FN3K: variants seen among roughly 807,000 people sequenced by gnomAD.
FN3K encodes the protein fructosamine-3-kinase.
FN3K carries 24 observed loss-of-function variants against 24.8 expected under a neutral mutation model. That is an observed-to-expected ratio of 0.97 (90% CI 0.70 to 1.36). FN3K has a LOEUF of 1.36. Ranked by LOEUF, FN3K falls within the 40% of genes most tolerant of loss-of-function variation. The probability of loss-of-function intolerance (pLI) is 0.00; values close to 1 mark genes in which losing one functional copy is unlikely to be tolerated. For missense variants in FN3K, 449 were observed against 416.7 expected, an observed-to-expected ratio of 1.08 and a Z score of -0.67; for synonymous variants, 192 against 175.2, an observed-to-expected ratio of 1.10 and a Z score of -0.76.
At position 82,740,753 on chromosome 17, in the gene FN3K, C is replaced by T. The variant is rs1423859082; in HGVS notation, c.294-10C>T. On this transcript the variant is annotated splice_polypyrimidine_tract_variant and intron_variant, in intron 2 of 5. Coordinates refer to ENST00000300784, the MANE Select transcript of FN3K (RefSeq NM_022158.4). ...GTTATTTTAATTAGCTGCATTTCTT[C>T]TTTCCTCAGTCAAGCATCAAAACTT... 1.2e-6 allele frequency: 2 copies of T among 1,601,434 alleles called. No individual in the cohort carries two copies. Among genetic ancestry groups the T allele is most frequent in the Admixed American group, 1.7e-5 (1 of 59,844 alleles).
chr17:82,747,822 C>T (rs886747454), intron 4 of FN3K, among the ~76,000 whole-genome samples: 2 of 152,204 alleles, frequency 1.3e-5, no homozygotes, highest in Non-Finnish European at 2.9e-5. Flanking sequence ...GGCCACTAAT[C>T]CTATTGGATT....
intron 4 of FN3K, among the ~76,000 whole-genome samples, chr17:82,748,638 T>C (rs1046396312): frequency 3.9e-5 from 6 of 152,212 alleles, no homozygotes; most frequent in Non-Finnish European, 8.8e-5. Context: ...CTTAGTCATA[T>C]AGTTTTGAGT....
At chr17:82,739,758 A>G (rs2046930558) in intron 2 of FN3K, among the ~76,000 whole-genome samples, 1 of 151,890 alleles carries the variant, frequency 6.6e-6, no homozygotes, top group Non-Finnish European at 1.5e-5. Flanking sequence ...CGCCCGGCCT[A>G]ATTTTTGTAT....
chr17:82,740,420 CAAAAAAAAA>C (rs71369031), intron 2 of FN3K, among the ~76,000 whole-genome samples: 4 of 73,120 alleles, frequency 5.5e-5, no homozygotes, highest in African/African-American at 1.1e-4. Context: ...CCCATCTCTA[CAAAAAAAAA>C]AAAAAAAAAA....
At chr17:82,742,910 T>C in intron 4 of FN3K, 1 of 324,780 alleles carries the variant, frequency 3.1e-6, no homozygotes, top group East Asian at 9.1e-5. Context: ...TAGAGGGTGA[T>C]TCTCCCAGCT....
At position 82,741,379 on chromosome 17, in the gene FN3K, G is replaced by A. The variant is rs144350720; in HGVS notation, c.454G>A (p.Gly152Ser). ...CGGCTTCCACACGGTGACGTGCTGCGGCTTCATCCCGCAGGTGAGTGCCTG... is the reference window on the plus strand; with the variant it reads ...CGGCTTCCACACGGTGACGTGCTGCAGCTTCATCCCGCAGGTGAGTGCCTG... ...KFGFHTVTCC[G>S]FIPQVNEWQD... The change falls in exon 4 of 6, where the codon GGC becomes AGC. Residue 152 changes from glycine (G) to serine (S), a missense_variant. Transcript: ENST00000300784. 253 of 1,613,498 alleles carry A rather than the reference G, an allele frequency of 1.6e-4. 1 individual carries two copies. Among genetic ancestry groups the A allele is most frequent in the Non-Finnish European group, 1.9e-4 (230 of 1,179,730 alleles).
rs1357997897 is a variant in FN3K at position 82,735,615 on chromosome 17, A to G, written c.-22A>G. The G allele has an allele frequency of 6.0e-6, 9 of 1,497,132 alleles. No individual in the cohort carries two copies. Among genetic ancestry groups the G allele is most frequent in the African/African-American group, 5.9e-5 (4 of 68,292 alleles). 92.7% of individuals were successfully genotyped at this position (1,497,132 alleles called of 1,614,324 possible). ...AGCCGACAGGGGCTTCCGAGCGAGC[A>G]GAGTCCCGCGCCCCGCACTCCATGG... is the stretch of plus-strand genomic sequence containing the variant. On this transcript the variant is annotated 5_prime_UTR_variant, in exon 1 of 6. Coordinates refer to ENST00000300784, the MANE Select transcript of FN3K (RefSeq NM_022158.4).
Position 82,735,797 on chromosome 17 carries a change from C to G in FN3K, c.141+20C>G, listed in dbSNP as rs1568066297. 2.0e-6 allele frequency: 3 copies of G among 1,512,896 alleles called. No homozygotes were observed. The highest frequency in any genetic ancestry group is 1.4e-5 in the African/African-American group (1 of 72,176). The allele number at this position is 1,512,896 out of a possible 1,614,324, so 93.7% of individuals were successfully genotyped here. ...ACGCAGGTGCTGGCCCGTGCGCAGG[C>G]GGGGGCTCTGCGGGTCTCTGCGGGG... On this transcript the variant is annotated intron_variant, in intron 1 of 5. Transcript: ENST00000300784.
intron 4 of FN3K, among the ~76,000 whole-genome samples, chr17:82,747,450 G>C (rs553269870): frequency 6.6e-6 from 1 of 152,042 alleles, no homozygotes; most frequent in Non-Finnish European, 1.5e-5. Flanking sequence ...CACCAGGCTG[G>C]AGTGCAATGG....
Position 82,750,835 on chromosome 17 carries a change from C to G in FN3K, c.*80C>G. ...TGTCCCCCCGTCCCCCGTCCCTGTG[C>G]CCCCGTCCCTGTCCCCCTGTTCCCG... On this transcript the variant is annotated 3_prime_UTR_variant, in exon 6 of 6. Transcript: ENST00000300784. The G allele has an allele frequency of 3.6e-6, 4 of 1,107,304 alleles. No homozygotes were observed. In the Admixed American group the frequency reaches 9.1e-5, roughly 25 times the overall value. The allele number at this position is 1,107,304 out of a possible 1,614,324, so 68.6% of individuals were successfully genotyped here.
At chr17:82,739,752 C>T (rs907450906) in intron 2 of FN3K, among the ~76,000 whole-genome samples, 9 of 152,250 alleles carry the variant, frequency 5.9e-5, no homozygotes, top group African/African-American at 1.4e-4. Context: ...CCACCGCGCC[C>T]GGCCTAATTT....
intron 1 of FN3K, chr17:82,736,029 C>T (rs2046898515): frequency 6.4e-6 from 3 of 467,550 alleles, no homozygotes; most frequent in Non-Finnish European, 7.6e-6. Context: ...CTTTCCTATC[C>T]AGCAAGCGTC....
chr17:82,749,170 C>A, intron 5 of FN3K, 193 bp downstream of exon 5: 2 of 822,260 alleles, frequency 2.4e-6, no homozygotes, highest in Non-Finnish European at 2.0e-6. Flanking sequence ...TGAAGACACA[C>A]TTGGCTCCTC....
chr17:82,745,203 A>G (rs1197126972), intron 4 of FN3K: 2 of 176,306 alleles, frequency 1.1e-5, no homozygotes, highest in South Asian at 1.6e-4. Flanking sequence ...GCAGCCTTCC[A>G]CAGTGTTTGT....
chr17:82,738,925 CATATAT>C (rs201805110), intron 2 of FN3K, among the ~76,000 whole-genome samples: 1,498 of 104,100 alleles, frequency 0.014, 60 homozygotes, highest in Middle Eastern at 0.056. Flanking sequence ...TATATATACA[CATATAT>C]ATATATATAT....
intron 4 of FN3K, among the ~76,000 whole-genome samples, chr17:82,744,594 G>A (rs2046958030): frequency 6.8e-6 from 1 of 146,152 alleles, no homozygotes; most frequent in East Asian, 2.0e-4. Flanking sequence ...CGAGAGACTT[G>A]GAAAAGAAAA....
chr17:82,743,117 AC>A (rs1363090120), intron 4 of FN3K, among the ~76,000 whole-genome samples: 2 of 151,918 alleles, frequency 1.3e-5, no homozygotes, highest in Non-Finnish European at 2.9e-5. Context: ...CACCCTCTTC[AC>A]CTGTCCAGGT....
At chr17:82,749,115 A>T in intron 5 of FN3K, 138 bp downstream of exon 5, 238 of 1,130,632 alleles carry the variant, frequency 2.1e-4, no homozygotes, top group Non-Finnish European at 2.8e-4. Flanking sequence ...GAAGGGGGGC[A>T]GGGGCGGGGG....
chr17:82,735,973 C>G, intron 1 of FN3K, 196 bp downstream of exon 1: 1 of 674,382 alleles, frequency 1.5e-6, no homozygotes, highest in Non-Finnish European at 2.4e-6. Context: ...CGTGACCTTC[C>G]TTTGGCCTCC....
Sources: allele counts gnomAD v4.1 joint callset (sites outside exome capture counted in the v4.1 genomes callset), GRCh38; gene constraint gnomAD v4.1.1; transcripts MANE v1.5; gene names NCBI Gene and HGNC (gene_info 2026-07-23, HGNC 2026-07-21).